Variants in TPTE observed in about 807,000 individuals in gnomAD.
The protein encoded by TPTE is putative tyrosine-protein phosphatase TPTE.
A neutral mutation model predicts 84.1 loss-of-function variants in TPTE; 59 were observed. That is an observed-to-expected ratio of 0.70 (90% CI 0.57 to 0.87). The LOEUF (loss-of-function observed/expected upper bound fraction) is 0.87. TPTE is among the 40% of genes least tolerant of loss of function. The pLI, the probability that TPTE is intolerant of heterozygous loss-of-function variation, is 0.00. For missense variants in TPTE, 382 were observed against 659.6 expected (o/e 0.58, Z 4.61); for synonymous variants, 130 against 223.5 (o/e 0.58, Z 3.73).
At chr21:10,599,398 TTGCTCTC>T (rs1210860530) in intron 21 of TPTE, among the ~76,000 whole-genome samples, 100 of 151,868 alleles carry the variant, frequency 6.6e-4, no homozygotes, top group African/African-American at 2.4e-3. Context: ...TTCTGAAATA[TTGCTCTC>T]GTTGTGAAAA....
At chr21:10,588,927 T>C (rs2075414758) in intron 17 of TPTE, among the ~76,000 whole-genome samples, 1 of 152,302 alleles carries the variant, frequency 6.6e-6, no homozygotes, top group Non-Finnish European at 1.5e-5. Flanking sequence ...AGTTTCTTTT[T>C]GTTGATTTCA....
At chr21:10,527,630 ATGAGACTCTCTT>A (rs1264521819) in intron 3 of TPTE, among the ~76,000 whole-genome samples, 1 of 152,312 alleles carries the variant, frequency 6.6e-6, no homozygotes, top group Non-Finnish European at 1.5e-5. Flanking sequence ...ATGCCTGTGT[ATGAGACTCTCTT>A]CAAGAGTGGT....
intron 17 of TPTE, among the ~76,000 whole-genome samples, chr21:10,584,270 T>G (rs1486108361): frequency 1.9e-3 from 295 of 151,612 alleles, no homozygotes; most frequent in African/African-American, 6.9e-3. Context: ...TTCTAAATGT[T>G]TTTTGTTGTT....
chr21:10,561,289 CG>C, intron 10 of TPTE, 98 bp downstream of exon 10: 1 of 1,493,792 alleles, frequency 6.7e-7, no homozygotes, highest in Non-Finnish European at 9.1e-7. Context: ...GTCAGGAGTT[CG>C]AGACGATCCT....
At chr21:10,522,297 C>G (rs1165562115) in intron 1 of TPTE, among the ~76,000 whole-genome samples, 1 of 151,358 alleles carries the variant, frequency 6.6e-6, no homozygotes, top group Non-Finnish European at 1.5e-5. Flanking sequence ...TCACGCTGCA[C>G]GATTTAGAAG....
intron 18 of TPTE, among the ~76,000 whole-genome samples, chr21:10,591,696 C>A (rs1427815655): frequency 6.6e-6 from 1 of 152,310 alleles, no homozygotes; most frequent in African/African-American, 2.4e-5. Context: ...GCTGCAGCAT[C>A]TCCTTGGCAG....
intron 19 of TPTE, among the ~76,000 whole-genome samples, chr21:10,595,768 G>C (rs1046808696): frequency 6.6e-6 from 1 of 152,310 alleles, no homozygotes; most frequent in African/African-American, 2.4e-5. Context: ...CTCCATCCTT[G>C]TTACTTCCCC....
chr21:10,548,889 G>C (rs1451755305), intron 7 of TPTE, among the ~76,000 whole-genome samples: 1 of 152,310 alleles, frequency 6.6e-6, no homozygotes, highest in Non-Finnish European at 1.5e-5. Context: ...AGCACATCTG[G>C]AAGTCATGCC....
At chr21:10,522,776 C>A (rs1373295408) in intron 1 of TPTE, among the ~76,000 whole-genome samples, 3 of 152,302 alleles carry the variant, frequency 2.0e-5, no homozygotes, top group Non-Finnish European at 4.4e-5. Context: ...TTATGAGGTA[C>A]AATGTGATGT....
intron 7 of TPTE, 98 bp downstream of exon 7, chr21:10,543,480 C>T: frequency 6.3e-7 from 1 of 1,596,712 alleles, no homozygotes; most frequent in Non-Finnish European, 8.6e-7. Flanking sequence ...CATCTTCATC[C>T]ATACACACTT....
intron 10 of TPTE, 140 bp downstream of exon 10, chr21:10,561,331 A>C: frequency 1.6e-6 from 2 of 1,213,674 alleles, no homozygotes; most frequent in African/African-American, 1.6e-5. Context: ...GTCTCTACTA[A>C]AAATACAAAA....
chr21:10,568,031 C>A lies in TPTE; in HGVS notation c.566+242C>A, dbSNP rs545746576. ...TAATGGAATAAAGAAGATGCAGTAC[C>A]CCAAAGAAGGACTTTTACTCTTGTA... On this transcript the variant is annotated intron_variant, in intron 11 of 23. Transcript: ENST00000618007. 2.0e-5 allele frequency among the ~76,000 whole-genome samples: 3 copies of A among 152,426 alleles called. No individual in the cohort carries two copies. The East Asian group carries it at 5.8e-4, about 29-fold the overall frequency.
At chr21:10,528,814 A>G (rs1600852174) in intron 3 of TPTE, among the ~76,000 whole-genome samples, 1 of 152,424 alleles carries the variant, frequency 6.6e-6, no homozygotes, top group African/African-American at 2.4e-5. Context: ...TATTCTGTAT[A>G]CTTTATGAGA....
intron 19 of TPTE, among the ~76,000 whole-genome samples, chr21:10,593,822 G>A (rs550235900): frequency 2.3e-4 from 35 of 152,382 alleles, no homozygotes; most frequent in African/African-American, 7.7e-4. Context: ...TTTGGATGTG[G>A]CTGTAAATGA....
intron 7 of TPTE, among the ~76,000 whole-genome samples, chr21:10,550,111 C>G (rs536427560): frequency 0.021 from 3,229 of 151,016 alleles, no homozygotes; most frequent in Middle Eastern, 0.055. Context: ...CATAGATAAA[C>G]AAAAACCAAG....
intron 10 of TPTE, among the ~76,000 whole-genome samples, chr21:10,565,385 T>A (rs1417660659): frequency 2.6e-4 from 39 of 152,288 alleles, no homozygotes; most frequent in Admixed American, 1.4e-3. Context: ...GGAGATTCCA[T>A]GTTCATGGAT....
At chr21:10,549,743 G>C (rs1439790447) in intron 7 of TPTE, among the ~76,000 whole-genome samples, 1 of 152,312 alleles carries the variant, frequency 6.6e-6, no homozygotes, top group Non-Finnish European at 1.5e-5. Flanking sequence ...AGAAGGAAAA[G>C]AGTAGAGAAA....
chr21:10,582,583 G>T (rs1425456667), intron 17 of TPTE, among the ~76,000 whole-genome samples: 4 of 152,304 alleles, frequency 2.6e-5, no homozygotes, highest in African/African-American at 7.2e-5. Context: ...GACTCATCTT[G>T]TTCATTCTTT....
At chr21:10,559,872 T>TAAAAAAAAA (rs61583687) in intron 9 of TPTE, among the ~76,000 whole-genome samples, 1 of 117,094 alleles carries the variant, frequency 8.5e-6, no homozygotes. Context: ...AGACTCCATG[T>TAAAAAAAAA]AAAAAAAAAA....
Sources: gnomAD v4.1 joint callset for allele counts (sites outside exome capture counted in the v4.1 genomes callset) on GRCh38, gnomAD v4.1.1 for gene constraint, MANE v1.5 for transcripts, NCBI Gene and HGNC (gene_info 2026-07-23, HGNC 2026-07-21) for gene names.